Variants in LEP observed in about 807,000 individuals in gnomAD.
LEP encodes the protein leptin (murine obesity homolog).
LEP carries 6 observed loss-of-function variants against 9.8 expected under a neutral mutation model. That is an observed-to-expected ratio of 0.61 (90% CI 0.34 to 1.21). The LOEUF (loss-of-function observed/expected upper bound fraction) is 1.21. Among genes scored for constraint, LEP ranks in the 50% most tolerant of loss-of-function variants. LEP has a pLI of 0.04. For missense variants in LEP, 134 were observed against 198.1 expected (o/e 0.68, Z 1.94); for synonymous variants, 112 against 81.7 (o/e 1.37, Z -2.00).
rs1050743005 is a variant in LEP, at chr7:128,254,915, A to G, written c.*152A>G. 1.2e-6 allele frequency: 1 copy of G among 824,696 alleles called. No homozygotes were observed. Among genetic ancestry groups the G allele is most frequent in the African/African-American group, 1.7e-5 (1 of 59,276 alleles). The allele number at this position is 824,696 out of a possible 1,614,324, so 51.1% of individuals were successfully genotyped here. On this transcript the variant is annotated 3_prime_UTR_variant, in exon 3 of 3. Transcript: ENST00000308868. ...TCCTCTAAGCCACTCTTCCAAAGGCATAAGACCCTAAGCCTCCTTTTGCTT... is the reference window on the plus strand; with the variant it reads ...TCCTCTAAGCCACTCTTCCAAAGGCGTAAGACCCTAAGCCTCCTTTTGCTT...
intron 1 of LEP, among the ~76,000 whole-genome samples, chr7:128,247,211 C>T (rs976451053): frequency 6.6e-6 from 1 of 152,178 alleles, no homozygotes; most frequent in African/African-American, 2.4e-5. Flanking sequence ...AACCCATGCT[C>T]TCCCCATGCT....
rs1460779042 is a variant in LEP at position 128,257,559 on chromosome 7, T to G, written c.*2796T>G. 1.5e-5 allele frequency: 2 copies of G among 130,846 alleles called. No homozygotes were observed. The highest frequency in any genetic ancestry group is 3.3e-5 in the Non-Finnish European group (2 of 60,898). The allele number at this position is 130,846 out of a possible 1,614,324, so 8.1% of individuals were successfully genotyped here. ...ACTCCGGCCTGATGACAGAGCGAGA[T>G]TCCGTCTTAAAAAAAAAAAAAAAAA... On this transcript the variant is annotated 3_prime_UTR_variant, in exon 3 of 3. Transcript: ENST00000308868.
chr7:128,252,217 C>CT, intron 2 of LEP, 55 bp downstream of exon 2: 1 of 1,590,992 alleles, frequency 6.3e-7, no homozygotes, highest in Non-Finnish European at 8.6e-7. Context: ...GCACTGGCTC[C>CT]TAGTGGCACT....
intron 2 of LEP, among the ~76,000 whole-genome samples, chr7:128,254,169 T>C (rs910102093): frequency 1.3e-5 from 2 of 151,972 alleles, no homozygotes; most frequent in Non-Finnish European, 2.9e-5. Context: ...CCTAGGAAAG[T>C]TGGCCTGGAA....
rs1795354490 is a variant in LEP, at chr7:128,257,390, G to T, written c.*2627G>T. The T allele has an allele frequency of 1.3e-5, 2 of 151,920 alleles. No individual in the cohort carries two copies. Among genetic ancestry groups the T allele is most frequent in the Admixed American group, 1.3e-4 (2 of 15,258 alleles). 9.4% of individuals were successfully genotyped at this position (151,920 alleles called of 1,614,324 possible). A position where few individuals can be genotyped will look rare whatever the true frequency, so the allele number is the denominator to read the frequency against. On this transcript the variant is annotated 3_prime_UTR_variant, in exon 3 of 3. Transcript: ENST00000308868. ...TGGCGAGCATCCTGGCCAACATGGTGAAACCCCGTCTCTACTAAAAACACA... is the reference window on the plus strand; with the variant it reads ...TGGCGAGCATCCTGGCCAACATGGTTAAACCCCGTCTCTACTAAAAACACA...
At chr7:128,241,493 C>T (rs1036742001) in intron 1 of LEP, among the ~76,000 whole-genome samples, 187 bp downstream of exon 1, 1 of 152,180 alleles carries the variant, frequency 6.6e-6, no homozygotes, top group South Asian at 2.1e-4. Flanking sequence ...AGCTGGGGAG[C>T]GTTGGATTTG....
chr7:128,247,202 ACCCATGCTCTC>A, intron 1 of LEP, among the ~76,000 whole-genome samples: 1 of 151,976 alleles, frequency 6.6e-6, no homozygotes, highest in East Asian at 1.9e-4. Context: ...TTCCACCCCA[ACCCATGCTCTC>A]CCCATGCTCT....
intron 1 of LEP, among the ~76,000 whole-genome samples, chr7:128,244,246 GACAC>G (rs60815271): frequency 0.48 from 69,932 of 146,808 alleles, 17,889 homozygotes; most frequent in Middle Eastern, 0.6. Flanking sequence ...GCAAGACCCT[GACAC>G]ACACACACAC....
intron 1 of LEP, among the ~76,000 whole-genome samples, chr7:128,244,603 A>T (rs751953989): frequency 9.2e-5 from 14 of 152,342 alleles, no homozygotes; most frequent in Non-Finnish European, 1.6e-4. Flanking sequence ...AATGAAAAAT[A>T]TATTTAGAAA....
rs759018010 is a variant in LEP, at chr7:128,254,668, G to A, written c.409G>A (p.Ala137Thr). Residue 137 changes from alanine to threonine, a missense_variant, in exon 3 of 3, where the codon GCT (alanine) becomes ACT (threonine). Physicochemically the swap from Ala to Thr is moderately conservative, Grantham distance 58. Transcript: ENST00000308868. ...TLDSLGGVLE[A>T]SGYSTEVVAL... is the part of the protein sequence containing the mutation. ...GGACAGCCTGGGGGGTGTCCTGGAA[G>A]CTTCAGGCTACTCCACAGAGGTGGT... is the stretch of plus-strand genomic sequence containing the variant. The A allele has an allele frequency of 7.4e-6, 12 of 1,614,000 alleles. No individual in the cohort carries two copies. In the East Asian group the frequency reaches 2.7e-4, roughly 36 times the overall value.
intron 1 of LEP, among the ~76,000 whole-genome samples, chr7:128,248,067 C>A (rs1029560923): frequency 1.3e-5 from 2 of 152,030 alleles, no homozygotes; most frequent in African/African-American, 2.4e-5. Flanking sequence ...CCGAGGTGGG[C>A]AGATAATCTG....
At position 128,254,659 on chromosome 7, in the gene LEP, G is replaced by C; in HGVS notation, c.400G>C (p.Val134Leu). The C allele has an allele frequency of 6.2e-7, 1 of 1,614,118 alleles. No individual in the cohort carries two copies. The highest frequency in any genetic ancestry group is 8.5e-7 in the Non-Finnish European group (1 of 1,180,010). Residue 134 changes from valine to leucine, a missense_variant, in exon 3 of 3, where the codon GTC (valine) becomes CTC (leucine). Physicochemically the swap from Val to Leu is conservative, Grantham distance 32. Coordinates refer to ENST00000308868, the MANE Select transcript of LEP (RefSeq NM_000230.3). ...GGAGACCTTGGACAGCCTGGGGGGT[G>C]TCCTGGAAGCTTCAGGCTACTCCAC... ...GLETLDSLGG[V>L]LEASGYSTEV...
chr7:128,250,549 G>A (rs1584605555), intron 1 of LEP, among the ~76,000 whole-genome samples: 1 of 151,978 alleles, frequency 6.6e-6, no homozygotes, highest in South Asian at 2.1e-4. Context: ...GTTTGACTTT[G>A]GGCAAGTTGA....
intron 1 of LEP, among the ~76,000 whole-genome samples, chr7:128,248,239 T>C (rs1303944623): frequency 1.3e-5 from 2 of 152,180 alleles, no homozygotes; most frequent in African/African-American, 4.8e-5. Flanking sequence ...GAGACCAGCC[T>C]GGCCAACATG....
In LEP at chr7:128,245,829, C is replaced by T. The variant is rs997367282; in HGVS notation, c.-29+4523C>T. Among the ~76,000 whole-genome samples the T allele has an allele frequency of 9.2e-5, 14 of 151,914 alleles. 1 individual carries two copies. The highest frequency in any genetic ancestry group is 5.3e-4 in the Admixed American group (8 of 15,232). On this transcript the variant is annotated intron_variant, in intron 1 of 2. Coordinates refer to ENST00000308868, the MANE Select transcript of LEP (RefSeq NM_000230.3). ...CTGTAATCCCAGCATTTTGGGAGGC[C>T]GAGGCGGGTGGATCACGAGGTCAGG...
At chr7:128,253,082 T>G (rs917573288) in intron 2 of LEP, among the ~76,000 whole-genome samples, 3 of 152,070 alleles carry the variant, frequency 2.0e-5, no homozygotes, top group Non-Finnish European at 4.4e-5. Context: ...CTCCCTGACT[T>G]CACTTCCTTG....
At chr7:128,243,224 T>C (rs1170545355) in intron 1 of LEP, among the ~76,000 whole-genome samples, 1 of 152,232 alleles carries the variant, frequency 6.6e-6, no homozygotes, top group Non-Finnish European at 1.5e-5. Flanking sequence ...GCAGACAGCA[T>C]GTTACCGTCT....
chr7:128,255,192 A>G lies in LEP; in HGVS notation c.*429A>G. ...CCCTCTGAGAATTCCAAGGAGTTCC[A>G]TGAAGACCACATCCACACACGCAGG... On this transcript the variant is annotated 3_prime_UTR_variant, in exon 3 of 3. Coordinates refer to ENST00000308868, the MANE Select transcript of LEP (RefSeq NM_000230.3). The G allele has an allele frequency of 5.0e-6, 1 of 200,574 alleles. No homozygotes were observed. The highest frequency in any genetic ancestry group is 1.0e-5 in the Non-Finnish European group (1 of 95,854). The allele number at this position is 200,574 out of a possible 1,614,324, so 12.4% of individuals were successfully genotyped here.
intron 1 of LEP, among the ~76,000 whole-genome samples, chr7:128,248,532 A>G (rs2116215037): frequency 6.6e-6 from 1 of 152,262 alleles, no homozygotes; most frequent in Middle Eastern, 3.4e-3. Context: ...CCCAGGAGGC[A>G]GAGATTACAG....
Sources: gnomAD v4.1 joint callset for allele counts (sites outside exome capture counted in the v4.1 genomes callset) on GRCh38, gnomAD v4.1.1 for gene constraint, MANE v1.5 for transcripts, NCBI Gene and HGNC (gene_info 2026-07-23, HGNC 2026-07-21) for gene names.